The following MIER1 variants were observed in gnomAD, a reference collection of about 807,000 sequenced individuals.
MIER1 encodes mesoderm induction early response protein 1.
A neutral mutation model predicts 75.7 loss-of-function variants in MIER1; 40 were observed. The ratio of observed to expected loss-of-function variants is 0.53; its 90% confidence interval spans 0.41 to 0.69. The LOEUF (loss-of-function observed/expected upper bound fraction) is 0.69, where lower values mean the gene tolerates loss of function less well. Ranked by LOEUF, MIER1 falls within the 30% of genes least tolerant of loss-of-function variation. MIER1 has a pLI of 0.00. For synonymous variants in MIER1, 213 were observed against 223.4 expected (o/e 0.95, Z 0.42); for missense variants, 574 against 680.2 (o/e 0.84, Z 1.74).
chr1:66,972,232 CT>C (rs1462283819), intron 10 of MIER1, among the ~76,000 whole-genome samples: 9 of 56,456 alleles, frequency 1.6e-4, no homozygotes, highest in Non-Finnish European at 2.6e-4. Context: ...TATATATACA[CT>C]ACATATATAT....
intron 2 of MIER1, chr1:66,930,115 G>C (rs1019748570): frequency 3.2e-6 from 3 of 925,116 alleles, no homozygotes; most frequent in African/African-American, 3.5e-5. Context: ...CGCTCTTCCC[G>C]GGGAGGGCTG....
At chr1:66,946,062 A>G in intron 3 of MIER1, 88 bp from the exon 4 acceptor site, 1 of 1,252,186 alleles carries the variant, frequency 8.0e-7, no homozygotes. Context: ...TTTGACTTAC[A>G]TCCAGCATCA....
At chr1:66,959,587 A>G in intron 6 of MIER1, 92 bp from the exon 7 acceptor site, 3 of 640,218 alleles carry the variant, frequency 4.7e-6, no homozygotes, top group South Asian at 2.3e-5. Context: ...CTTTGAGCAT[A>G]TCCAAATATT....
intron 3 of MIER1, among the ~76,000 whole-genome samples, chr1:66,945,120 C>T (rs1657184495): frequency 6.6e-6 from 1 of 152,070 alleles, no homozygotes; most frequent in African/African-American, 2.4e-5. Context: ...CTGTATATTT[C>T]ACATGACTAT....
chr1:66,967,472 A>T (rs1379214873), intron 8 of MIER1, among the ~76,000 whole-genome samples: 1 of 152,136 alleles, frequency 6.6e-6, no homozygotes, highest in East Asian at 1.9e-4. Flanking sequence ...AGCTTTGGCT[A>T]TTCTGAGTCT....
In MIER1 at chr1:66,950,713, A is replaced by C. The variant is rs906745948; in HGVS notation, c.339+4418A>C. 5.9e-5 allele frequency among the ~76,000 whole-genome samples: 9 copies of C among 152,082 alleles called. No homozygotes were observed. In the East Asian group the frequency reaches 1.2e-3, roughly 20 times the overall value. On this transcript the variant is annotated intron_variant, in intron 4 of 13. Coordinates refer to ENST00000401041, the MANE Select transcript of MIER1 (RefSeq NM_001077700.3). The stretch of plus-strand genomic sequence containing the variant: ...GTATTTTGACGTATACACACAAATT[A>C]ATTATATAGATAGAAAAGAAATCTC...
chr1:66,978,159 GCACTC>G (rs1665118880), intron 12 of MIER1, among the ~76,000 whole-genome samples: 1 of 147,980 alleles, frequency 6.8e-6, no homozygotes, highest in Non-Finnish European at 1.5e-5. Flanking sequence ...TCAAACCACT[GCACTC>G]CAGCCTGGGC....
At chr1:66,971,869 GT>G in intron 10 of MIER1, 133 bp downstream of exon 10, 1 of 506,940 alleles carries the variant, frequency 2.0e-6, no homozygotes, top group South Asian at 2.7e-5. Flanking sequence ...AAAATACCAA[GT>G]ATTACTAAAC....
At chr1:66,970,683 T>C in intron 8 of MIER1, 125 bp from the exon 9 acceptor site, 1 of 603,228 alleles carries the variant, frequency 1.7e-6, no homozygotes, top group Non-Finnish European at 2.7e-6. Context: ...GTCAGGCAAG[T>C]AGTAGAACCA....
chr1:66,973,479 C>T (rs1239537461), intron 11 of MIER1, among the ~76,000 whole-genome samples: 1 of 151,906 alleles, frequency 6.6e-6, no homozygotes, highest in Non-Finnish European at 1.5e-5. Context: ...GCTTCTGTGT[C>T]GATAAATCAG....
intron 13 of MIER1, among the ~76,000 whole-genome samples, chr1:66,984,270 C>T (rs1666459301): frequency 6.6e-6 from 1 of 152,158 alleles, no homozygotes; most frequent in South Asian, 2.1e-4. Context: ...ACCTAATATG[C>T]TTTTAACATA....
At chr1:66,926,330 C>A in intron 2 of MIER1, 88 bp downstream of exon 2, 1 of 1,081,044 alleles carries the variant, frequency 9.3e-7, no homozygotes, top group Non-Finnish European at 1.4e-6. Flanking sequence ...CTTATATGTT[C>A]CAGTGTTTGA....
At chr1:66,955,950 A>T (rs763957099) in intron 4 of MIER1, among the ~76,000 whole-genome samples, 8 of 152,124 alleles carry the variant, frequency 5.3e-5, no homozygotes, top group Non-Finnish European at 8.8e-5. Context: ...TGGTTTCCTT[A>T]TTTGCAAATA....
At chr1:66,939,467 G>C (rs956174037) in intron 2 of MIER1, among the ~76,000 whole-genome samples, 15 of 152,218 alleles carry the variant, frequency 9.9e-5, no homozygotes, top group Non-Finnish European at 1.9e-4. Context: ...TGCTAATTCT[G>C]TTATAACTTA....
At chr1:66,946,925 C>T in intron 4 of MIER1, 1 of 985,252 alleles carries the variant, frequency 1.0e-6, no homozygotes. Context: ...GTATCTTTTG[C>T]AGACTCTTCT....
In MIER1 at chr1:66,985,090, T is replaced by C. The variant is rs1666606283; in HGVS notation, c.*190T>C. On this transcript the variant is annotated 3_prime_UTR_variant, in exon 14 of 14. Coordinates refer to ENST00000401041, the MANE Select transcript of MIER1 (RefSeq NM_001077700.3). ...TTTTTACTTTAAAGCTGTCAGACTC[T>C]TTTAAGGGTATTTTAAAAATTAGTA... 5.4e-6 allele frequency: 7 copies of C among 1,286,764 alleles called. No individual in the cohort carries two copies. The highest frequency in any genetic ancestry group is 6.9e-6 in the Non-Finnish European group (7 of 1,012,038). The allele number at this position is 1,286,764 out of a possible 1,614,324, so 79.7% of individuals were successfully genotyped here. A position where few individuals can be genotyped will look rare whatever the true frequency, so the allele number is the denominator to read the frequency against.
intron 12 of MIER1, among the ~76,000 whole-genome samples, chr1:66,977,833 TA>T (rs200736001): frequency 6.6e-5 from 10 of 151,506 alleles, no homozygotes; most frequent in African/African-American, 1.5e-4. Flanking sequence ...AAAATAAAAA[TA>T]AAAAAAAATT....
At chr1:66,970,983 G>C in intron 9 of MIER1, 24 bp downstream of exon 9, 1 of 1,558,326 alleles carries the variant, frequency 6.4e-7, no homozygotes, top group Non-Finnish European at 8.6e-7. Flanking sequence ...ACAACTGTTA[G>C]AACTTTGCCA....
At chr1:66,939,781 C>G (rs563722496) in intron 2 of MIER1, among the ~76,000 whole-genome samples, 1 of 152,120 alleles carries the variant, frequency 6.6e-6, no homozygotes, top group African/African-American at 2.4e-5. Context: ...GAATTCTATA[C>G]TATTGTCTTT....
Sources: gnomAD v4.1 joint callset for allele counts (sites outside exome capture counted in the v4.1 genomes callset) on GRCh38, gnomAD v4.1.1 for gene constraint, MANE v1.5 for transcripts, NCBI Gene and HGNC (gene_info 2026-07-23, HGNC 2026-07-21) for gene names.